CSMD1: variants seen among roughly 807,000 people sequenced by gnomAD.
CSMD1 encodes the protein CUB and Sushi multiple domains 1.
In CSMD1, 213 loss-of-function variants were observed where a neutral mutation model predicts 417.5. That is an observed-to-expected ratio of 0.51 (90% CI 0.46 to 0.57). The LOEUF is 0.57. CSMD1 is among the 20% of genes least tolerant of loss of function. The probability of loss-of-function intolerance (pLI) is 0.00; values close to 1 mark genes in which losing one functional copy is unlikely to be tolerated. For missense variants in CSMD1, 6,923 were observed against 4,529.7 expected (o/e 1.53, Z -15.17); for synonymous variants, 2,862 against 1,736.8 (o/e 1.65, Z -16.11).
At chr8:4,566,924 C>A (rs955068785) in intron 2 of CSMD1, among the ~76,000 whole-genome samples, 22 of 36,902 alleles carry the variant, frequency 6.0e-4, no homozygotes, top group African/African-American at 1.6e-3. Flanking sequence ...CAGGAATGAA[C>A]TAAAACTTTA....
chr8:3,540,999 T>C (rs1207696732), intron 10 of CSMD1, among the ~76,000 whole-genome samples: 1 of 152,126 alleles, frequency 6.6e-6, no homozygotes, highest in Non-Finnish European at 1.5e-5. Flanking sequence ...GAACCAGAAA[T>C]ACCATTTGAC....
intron 1 of CSMD1, among the ~76,000 whole-genome samples, chr8:4,960,559 T>A (rs1328681598): frequency 6.6e-6 from 1 of 152,186 alleles, no homozygotes; most frequent in East Asian, 1.9e-4. Context: ...TTAAAAAGTA[T>A]CCTGCAATCT....
At chr8:3,614,773 A>T (rs1238783158) in intron 8 of CSMD1, among the ~76,000 whole-genome samples, 1 of 152,224 alleles carries the variant, frequency 6.6e-6, no homozygotes, top group Non-Finnish European at 1.5e-5. Flanking sequence ...TGCCACGCAC[A>T]GTTTTAGTCA....
At chr8:3,226,009 A>G (rs774661573) in intron 27 of CSMD1, among the ~76,000 whole-genome samples, 7 of 152,220 alleles carry the variant, frequency 4.6e-5, no homozygotes, top group Non-Finnish European at 8.8e-5. Context: ...GCACACATAC[A>G]TACGTAGCAG....
At chr8:4,420,962 G>C (rs1797218994) in intron 2 of CSMD1, among the ~76,000 whole-genome samples, 1 of 152,076 alleles carries the variant, frequency 6.6e-6, no homozygotes, top group Admixed American at 6.6e-5. Context: ...AATTCACGGG[G>C]ATCTTCAACT....
At chr8:4,615,300 T>G (rs1563336478) in intron 2 of CSMD1, among the ~76,000 whole-genome samples, 2 of 152,202 alleles carry the variant, frequency 1.3e-5, no homozygotes, top group Admixed American at 6.5e-5. Context: ...CACATTGGGT[T>G]TACGCAGTAT....
chr8:3,188,571 T>C (rs911786709), intron 35 of CSMD1, among the ~76,000 whole-genome samples: 4 of 152,082 alleles, frequency 2.6e-5, no homozygotes, highest in African/African-American at 9.7e-5. Context: ...CTTCCCAAAG[T>C]GCTGGGACTA....
intron 5 of CSMD1, among the ~76,000 whole-genome samples, chr8:3,885,769 G>C (rs768917435): frequency 6.6e-6 from 1 of 152,110 alleles, no homozygotes; most frequent in Admixed American, 6.6e-5. Context: ...CTGGAGTCAA[G>C]TTTATTTATG....
intron 10 of CSMD1, among the ~76,000 whole-genome samples, chr8:3,573,038 T>C (rs59937847): frequency 0.23 from 35,669 of 152,024 alleles, 4,323 homozygotes; most frequent in Admixed American, 0.27. Context: ...AAAACTCTTT[T>C]TTGTTAGACA....
intron 10 of CSMD1, among the ~76,000 whole-genome samples, chr8:3,556,520 A>G (rs73658185): frequency 0.012 from 1,316 of 106,742 alleles, 21 homozygotes; most frequent in African/African-American, 0.051. Context: ...TCACACGCAC[A>G]CACACACACA....
intron 3 of CSMD1, among the ~76,000 whole-genome samples, chr8:4,232,692 A>T (rs566696639): frequency 6.6e-6 from 1 of 152,300 alleles, no homozygotes; most frequent in African/African-American, 2.4e-5. Flanking sequence ...TGAAGGAGAC[A>T]TTTTATAAAA....
At chr8:4,656,672 C>T (rs1187161009) in intron 1 of CSMD1, among the ~76,000 whole-genome samples, 1 of 152,062 alleles carries the variant, frequency 6.6e-6, no homozygotes, top group African/African-American at 2.4e-5. Flanking sequence ...CTATCATCAC[C>T]GAATACAACT....
chr8:3,731,862 A>G (rs1417417756), intron 6 of CSMD1, among the ~76,000 whole-genome samples: 9 of 152,156 alleles, frequency 5.9e-5, no homozygotes, highest in African/African-American at 1.2e-4. Flanking sequence ...TCACTGCTTT[A>G]TAAATGAGGA....
intron 3 of CSMD1, among the ~76,000 whole-genome samples, chr8:4,063,596 T>C (rs1015631845): frequency 1.3e-5 from 2 of 152,188 alleles, no homozygotes; most frequent in Non-Finnish European, 2.9e-5. Context: ...ACTGACAAGG[T>C]GCCACGTACG....
At chr8:3,076,873 G>C (rs988537147) in intron 49 of CSMD1, among the ~76,000 whole-genome samples, 2 of 152,090 alleles carry the variant, frequency 1.3e-5, no homozygotes, top group Non-Finnish European at 2.9e-5. Context: ...TTTAGATTGA[G>C]GGTACATGTG....
intron 25 of CSMD1, among the ~76,000 whole-genome samples, chr8:3,295,328 G>T (rs765510831): frequency 1.8e-4 from 27 of 151,848 alleles, no homozygotes; most frequent in Non-Finnish European, 3.1e-4. Context: ...GGGTTTCACT[G>T]TGTTAGCCAG....
At chr8:4,900,050 A>C (rs756299629) in intron 1 of CSMD1, among the ~76,000 whole-genome samples, 2 of 152,012 alleles carry the variant, frequency 1.3e-5, no homozygotes, top group African/African-American at 4.8e-5. Context: ...ACGTTTTTGC[A>C]TTTCCTCCTC....
At chr8:3,938,332 AG>A (rs1438452625) in intron 5 of CSMD1, among the ~76,000 whole-genome samples, 6 of 152,178 alleles carry the variant, frequency 3.9e-5, no homozygotes, top group Admixed American at 1.3e-4. Flanking sequence ...GGAAGAAAAA[AG>A]CATATAATAC....
intron 5 of CSMD1, among the ~76,000 whole-genome samples, chr8:3,891,709 G>T (rs187985086): frequency 6.6e-6 from 1 of 151,882 alleles, no homozygotes; most frequent in African/African-American, 2.4e-5. Flanking sequence ...GATTAACTCA[G>T]TCTCCTAACA....
Sources: gnomAD v4.1 joint callset for allele counts (sites outside exome capture counted in the v4.1 genomes callset) on GRCh38, gnomAD v4.1.1 for gene constraint, MANE v1.5 for transcripts, NCBI Gene and HGNC (gene_info 2026-07-23, HGNC 2026-07-21) for gene names.